PDSS2: variants seen among roughly 807,000 people sequenced by gnomAD.
PDSS2 encodes all trans-polyprenyl-diphosphate synthase PDSS2.
PDSS2 carries 31 observed loss-of-function variants against 44.5 expected under a neutral mutation model. The observed-to-expected ratio is 0.70, with a 90% confidence interval of 0.52 to 0.94. PDSS2 has a LOEUF of 0.94. Ranked by LOEUF, PDSS2 falls within the 40% of genes least tolerant of loss-of-function variation. PDSS2 has a pLI of 0.00. For synonymous variants in PDSS2, 157 were observed against 180.3 expected (o/e 0.87, Z 1.03); for missense variants, 452 against 482.2 (o/e 0.94, Z 0.59).
At chr6:107,347,027 G>A (rs1238064942) in intron 1 of PDSS2, among the ~76,000 whole-genome samples, 1 of 152,070 alleles carries the variant, frequency 6.6e-6, no homozygotes, top group African/African-American at 2.4e-5. Flanking sequence ...CACGGAGGCT[G>A]GGAAAAGTCT....
intron 4 of PDSS2, among the ~76,000 whole-genome samples, chr6:107,228,403 AG>A (rs1246502082): frequency 6.6e-6 from 1 of 152,128 alleles, no homozygotes; most frequent in East Asian, 1.9e-4. Flanking sequence ...TAATTAAAAA[AG>A]TTTGCTAGGC....
At chr6:107,445,591 A>C (rs375784838) in intron 1 of PDSS2, among the ~76,000 whole-genome samples, 8 of 152,208 alleles carry the variant, frequency 5.3e-5, no homozygotes, top group African/African-American at 9.7e-5. Context: ...CAGATGTGTA[A>C]GTCTAAAAAA....
intron 1 of PDSS2, among the ~76,000 whole-genome samples, chr6:107,426,764 C>T (rs1731595114): frequency 6.6e-6 from 1 of 152,086 alleles, no homozygotes; most frequent in Non-Finnish European, 1.5e-5. Context: ...ATATGACTGC[C>T]CTGCTTGATT....
intron 7 of PDSS2, among the ~76,000 whole-genome samples, chr6:107,181,041 C>T (rs1169940007): frequency 6.6e-6 from 1 of 151,102 alleles, no homozygotes; most frequent in African/African-American, 2.4e-5. Flanking sequence ...GGTGGGGTTT[C>T]ACCATGTTGG....
chr6:107,355,735 T>C lies in PDSS2; in HGVS notation c.297-21403A>G, dbSNP rs137883479. ...AGTTTAACTTAACTTTTTTCAGAGG[T>C]ACCTGTGTAAGAGAGATTCTCAGTC... is the stretch of plus-strand genomic sequence containing the variant. On this transcript the variant is annotated intron_variant, in intron 1 of 7. Coordinates refer to ENST00000369037, the MANE Select transcript of PDSS2 (RefSeq NM_020381.4). 4.1e-4 allele frequency among the ~76,000 whole-genome samples: 63 copies of C among 152,298 alleles called. No homozygotes were observed. The East Asian group carries it at 0.011, about 26-fold the overall frequency.
chr6:107,326,539 C>T (rs1404954298), intron 2 of PDSS2, among the ~76,000 whole-genome samples: 1 of 152,022 alleles, frequency 6.6e-6, no homozygotes, highest in Non-Finnish European at 1.5e-5. Flanking sequence ...ACCCAGAAGT[C>T]ACATAGGTAA....
At chr6:107,295,763 A>C (rs906607964) in intron 2 of PDSS2, among the ~76,000 whole-genome samples, 1 of 152,230 alleles carries the variant, frequency 6.6e-6, no homozygotes. Flanking sequence ...GATTGGCATC[A>C]CGCTACAGCA....
At chr6:107,300,493 A>C (rs927337415) in intron 2 of PDSS2, among the ~76,000 whole-genome samples, 2 of 152,014 alleles carry the variant, frequency 1.3e-5, no homozygotes, top group African/African-American at 4.8e-5. Flanking sequence ...GACCGCACCC[A>C]CCTCTAAACA....
intron 1 of PDSS2, among the ~76,000 whole-genome samples, chr6:107,383,846 T>C (rs966965133): frequency 2.0e-5 from 3 of 152,196 alleles, no homozygotes; most frequent in Admixed American, 6.5e-5. Context: ...TTTAAAATCA[T>C]ACAGCCAGTT....
At chr6:107,243,694 A>G (rs909600392) in intron 4 of PDSS2, among the ~76,000 whole-genome samples, 22 of 152,160 alleles carry the variant, frequency 1.4e-4, no homozygotes, top group Admixed American at 3.3e-4. Context: ...TACAGAAGAT[A>G]TGGGAGCGGG....
At chr6:107,170,551 T>C (rs1966288) in intron 7 of PDSS2, among the ~76,000 whole-genome samples, 104,376 of 150,060 alleles carry the variant, frequency 0.7, 36,758 homozygotes, top group African/African-American at 0.74. Context: ...TCTTCTGCAT[T>C]GCTCACGCTG....
chr6:107,289,075 T>A (rs1453106021), intron 2 of PDSS2, among the ~76,000 whole-genome samples: 2 of 150,558 alleles, frequency 1.3e-5, no homozygotes, highest in East Asian at 4.1e-4. Context: ...CCGAAATTGA[T>A]ATTTTAAGAA....
At chr6:107,259,970 A>C (rs2430479) in intron 3 of PDSS2, among the ~76,000 whole-genome samples, 119,941 of 152,166 alleles carry the variant, frequency 0.79, 47,350 homozygotes, top group South Asian at 0.89. Flanking sequence ...TGGTGTTTCC[A>C]GATTTCTGCC....
At chr6:107,310,629 T>C (rs2115112711) in intron 2 of PDSS2, among the ~76,000 whole-genome samples, 1 of 152,316 alleles carries the variant, frequency 6.6e-6, no homozygotes, top group East Asian at 1.9e-4. Context: ...AAAAATCATT[T>C]ACTACCGCTT....
intron 1 of PDSS2, among the ~76,000 whole-genome samples, chr6:107,441,441 T>C (rs1781507923): frequency 6.6e-6 from 1 of 152,206 alleles, no homozygotes; most frequent in South Asian, 2.1e-4. Flanking sequence ...GGTTTTTTGG[T>C]GTTTCCTCTA....
intron 2 of PDSS2, among the ~76,000 whole-genome samples, chr6:107,292,611 A>G (rs1378181931): frequency 6.6e-6 from 1 of 152,240 alleles, no homozygotes; most frequent in Non-Finnish European, 1.5e-5. Context: ...TTAGTGATCA[A>G]TGAACACACC....
At chr6:107,203,943 T>C (rs996891553) in intron 6 of PDSS2, among the ~76,000 whole-genome samples, 1 of 148,102 alleles carries the variant, frequency 6.8e-6, no homozygotes, top group African/African-American at 2.6e-5. Context: ...TTTCACTTAT[T>C]ATAATTTTTT....
chr6:107,457,992 G>A (rs1782099905), intron 1 of PDSS2, among the ~76,000 whole-genome samples: 1 of 151,750 alleles, frequency 6.6e-6, no homozygotes, highest in Non-Finnish European at 1.5e-5. Flanking sequence ...TATATAGAAA[G>A]ATATATACAC....
chr6:107,297,121 G>A (rs1029823841), intron 2 of PDSS2, among the ~76,000 whole-genome samples: 1 of 152,162 alleles, frequency 6.6e-6, no homozygotes, highest in Non-Finnish European at 1.5e-5. Flanking sequence ...CATGGGCATA[G>A]ACAAAGGAAT....
Sources: allele counts gnomAD v4.1 joint callset (sites outside exome capture counted in the v4.1 genomes callset), GRCh38; gene constraint gnomAD v4.1.1; transcripts MANE v1.5; gene names NCBI Gene and HGNC (gene_info 2026-07-23, HGNC 2026-07-21).